Variants in KCNJ6 observed in about 807,000 individuals in gnomAD.
KCNJ6 encodes potassium inwardly rectifying channel subfamily J member 6.
Under a neutral mutation model 34.2 loss-of-function variants are expected in KCNJ6, and 9 were observed. The observed-to-expected ratio is 0.26, with a 90% CI of 0.16 to 0.46. KCNJ6 has a LOEUF of 0.46. Among genes scored for constraint, KCNJ6 ranks in the 20% least tolerant of loss-of-function variants. The pLI is 1.00. For missense variants in KCNJ6, 236 were observed against 531.3 expected, an observed-to-expected ratio of 0.44 and a Z score of 5.46; for synonymous variants, 196 against 207.1, an observed-to-expected ratio of 0.95 and a Z score of 0.46.
intron 2 of KCNJ6, among the ~76,000 whole-genome samples, chr21:37,801,760 G>A (rs2055270593): frequency 6.6e-6 from 1 of 152,052 alleles, no homozygotes; most frequent in African/African-American, 2.4e-5. Context: ...CCTTATTGAA[G>A]TGGAGGTGTG....
intron 2 of KCNJ6, among the ~76,000 whole-genome samples, chr21:37,838,738 T>C (rs929912271): frequency 1.3e-5 from 2 of 152,236 alleles, no homozygotes; most frequent in South Asian, 4.1e-4. Context: ...CACTTTAGGA[T>C]GCTTTCACTT....
chr21:37,890,034 A>T (rs2055754604), intron 1 of KCNJ6, among the ~76,000 whole-genome samples: 1 of 152,198 alleles, frequency 6.6e-6, no homozygotes, highest in South Asian at 2.1e-4. Flanking sequence ...TAGATAAATC[A>T]GCCTGAAAAA....
chr21:37,736,056 C>T (rs768802127), intron 2 of KCNJ6, among the ~76,000 whole-genome samples: 7 of 152,264 alleles, frequency 4.6e-5, no homozygotes, highest in Non-Finnish European at 1.0e-4. Context: ...TAGTAAAGTG[C>T]AGCCTAGGGG....
At chr21:37,662,015 G>A (rs1467067423) in intron 3 of KCNJ6, among the ~76,000 whole-genome samples, 10 of 151,942 alleles carry the variant, frequency 6.6e-5, no homozygotes, top group East Asian at 1.9e-4. Context: ...GATCATTTGC[G>A]TTCTGCTTAT....
chr21:37,736,674 G>A (rs140351953), intron 2 of KCNJ6, among the ~76,000 whole-genome samples: 1 of 152,314 alleles, frequency 6.6e-6, no homozygotes, highest in Non-Finnish European at 1.5e-5. Flanking sequence ...GGGAGATGGA[G>A]AGAGGGAGGC....
At chr21:37,787,305 G>A (rs910483654) in intron 2 of KCNJ6, among the ~76,000 whole-genome samples, 2 of 152,080 alleles carry the variant, frequency 1.3e-5, no homozygotes, top group Non-Finnish European at 2.9e-5. Context: ...GGGGGTAGAG[G>A]GGGCTGAATA....
intron 2 of KCNJ6, among the ~76,000 whole-genome samples, chr21:37,823,414 T>C (rs1417872274): frequency 6.6e-6 from 1 of 152,210 alleles, no homozygotes; most frequent in African/African-American, 2.4e-5. Context: ...TGACATGGTT[T>C]GGCTTTGTGT....
chr21:37,629,601 A>G (rs930785392), intron 3 of KCNJ6, among the ~76,000 whole-genome samples: 3 of 152,194 alleles, frequency 2.0e-5, no homozygotes, highest in African/African-American at 7.2e-5. Context: ...GAACAGAGGG[A>G]GGAGATGGCC....
At position 37,612,042 on chromosome 21, in the gene KCNJ6, C is replaced by A. The variant is rs919543703; in HGVS notation, c.*13117G>T. ...GATTGGGAAGAAAGAAGAAATAAAA[C>A]TTTGTCTTTGTTTACAGATGACATG... On this transcript the variant is annotated 3_prime_UTR_variant, in exon 4 of 4. Transcript: ENST00000609713. 13 of 152,108 alleles carry A rather than the reference C, an allele frequency of 8.5e-5. No individual in the cohort carries two copies. The highest frequency in any genetic ancestry group is 2.7e-4 in the African/African-American group (11 of 41,416). 9.4% of individuals were successfully genotyped at this position (152,108 alleles called of 1,614,324 possible).
intron 1 of KCNJ6, among the ~76,000 whole-genome samples, chr21:37,851,166 G>T (rs1205537217): frequency 6.6e-6 from 1 of 152,156 alleles, no homozygotes; most frequent in African/African-American, 2.4e-5. Flanking sequence ...AGGCCACTCT[G>T]GTCACTATCA....
intron 3 of KCNJ6, among the ~76,000 whole-genome samples, chr21:37,691,238 A>G (rs1297891106): frequency 6.6e-6 from 1 of 152,196 alleles, no homozygotes; most frequent in Non-Finnish European, 1.5e-5. Flanking sequence ...CTAGGACAAC[A>G]ATTTCCTGGC....
At chr21:37,644,031 A>G (rs1295056402) in intron 3 of KCNJ6, among the ~76,000 whole-genome samples, 3 of 152,220 alleles carry the variant, frequency 2.0e-5, no homozygotes, top group Non-Finnish European at 4.4e-5. Flanking sequence ...ACACCATGGA[A>G]TACTATGCAG....
Position 37,619,802 on chromosome 21 carries a change from A to C in KCNJ6, c.*5357T>G, listed in dbSNP as rs1011699852. ...ACATCATCCAACGCCTGAGGGTGCC[A>C]CTGAAGCAATATTTCAGCGGCTGGG... is the stretch of plus-strand genomic sequence containing the variant. On this transcript the variant is annotated 3_prime_UTR_variant, in exon 4 of 4. Transcript: ENST00000609713. 6.6e-6 allele frequency: 1 copy of C among 152,228 alleles called. No homozygotes were observed. The highest frequency in any genetic ancestry group is 2.4e-5 in the African/African-American group (1 of 41,462). 9.4% of individuals were successfully genotyped at this position (152,228 alleles called of 1,614,324 possible).
At chr21:37,881,135 T>C (rs757299868) in intron 1 of KCNJ6, among the ~76,000 whole-genome samples, 2 of 152,106 alleles carry the variant, frequency 1.3e-5, no homozygotes, top group Non-Finnish European at 2.9e-5. Context: ...TAAATATTTA[T>C]TGAGCCTATT....
intron 3 of KCNJ6, among the ~76,000 whole-genome samples, chr21:37,673,192 G>T (rs1385069565): frequency 1.3e-5 from 2 of 152,250 alleles, no homozygotes; most frequent in Non-Finnish European, 2.9e-5. Context: ...TGGAGCAGAG[G>T]CTGGAGGAAG....
At chr21:37,822,159 T>C (rs1327209034) in intron 2 of KCNJ6, among the ~76,000 whole-genome samples, 1 of 152,198 alleles carries the variant, frequency 6.6e-6, no homozygotes, top group African/African-American at 2.4e-5. Flanking sequence ...GAGACAGATG[T>C]AATAACAATC....
chr21:37,704,660 G>GTCATCATCATCA (rs56195622), intron 3 of KCNJ6, among the ~76,000 whole-genome samples: 14 of 150,474 alleles, frequency 9.3e-5, no homozygotes, highest in Non-Finnish European at 1.6e-4. Context: ...ATGAGTCGTC[G>GTCATCATCATCA]TCATCATCAT....
intron 1 of KCNJ6, among the ~76,000 whole-genome samples, chr21:37,911,214 G>C (rs932576707): frequency 3.3e-5 from 5 of 151,994 alleles, no homozygotes; most frequent in Non-Finnish European, 5.9e-5. Flanking sequence ...ATTATTTCTA[G>C]AAATAATTAT....
intron 3 of KCNJ6, among the ~76,000 whole-genome samples, chr21:37,661,667 A>G (rs1250472434): frequency 2.6e-5 from 3 of 114,768 alleles, no homozygotes; most frequent in African/African-American, 1.0e-4. Flanking sequence ...TCTGTCGCCC[A>G]GGCTGGAGTG....
Sources: gnomAD v4.1 joint callset for allele counts (sites outside exome capture counted in the v4.1 genomes callset) on GRCh38, gnomAD v4.1.1 for gene constraint, MANE v1.5 for transcripts, NCBI Gene and HGNC (gene_info 2026-07-23, HGNC 2026-07-21) for gene names.